Variants in ATF7 observed in about 807,000 individuals in gnomAD.
The protein encoded by ATF7 is cyclic AMP-dependent transcription factor ATF-7.
Under a neutral mutation model 50.4 loss-of-function variants are expected in ATF7, and 10 were observed. The observed-to-expected ratio is 0.20, with a 90% CI of 0.12 to 0.34. ATF7 has a LOEUF of 0.34. ATF7 is among the 10% of genes least tolerant of loss of function. ATF7 has a pLI of 1.00. For missense variants in ATF7, 465 were observed against 613.9 expected, an observed-to-expected ratio of 0.76 and a Z score of 2.56; for synonymous variants, 201 against 226.4, an observed-to-expected ratio of 0.89 and a Z score of 1.01.
chr12:53,554,192 G>A (rs1409280944), intron 2 of ATF7, among the ~76,000 whole-genome samples: 4 of 152,110 alleles, frequency 2.6e-5, no homozygotes, highest in African/African-American at 7.2e-5. Flanking sequence ...GTGCAGTGGC[G>A]CAATCTCCGC....
rs567084098 is a variant in ATF7, at chr12:53,513,624, A to G, written c.*3513T>C. On this transcript the variant is annotated 3_prime_UTR_variant, in exon 12 of 12. Coordinates refer to ENST00000420353, the MANE Select transcript of ATF7 (RefSeq NM_006856.3). Reference sequence around the variant, plus strand: ...AATAATGTATTTCCTTCCTGTGTATATAATGTACAATATTAATGAAAAATT... The same window carrying G: ...AATAATGTATTTCCTTCCTGTGTATGTAATGTACAATATTAATGAAAAATT... 1.2e-4 allele frequency: 18 copies of G among 152,338 alleles called. No homozygotes were observed. The South Asian group carries it at 3.7e-3, about 32-fold the overall frequency. 9.4% of individuals were successfully genotyped at this position (152,338 alleles called of 1,614,324 possible). A position where few individuals can be genotyped will look rare whatever the true frequency, so the allele number is the denominator to read the frequency against.
intron 2 of ATF7, among the ~76,000 whole-genome samples, chr12:53,555,812 T>G (rs1013459231): frequency 1.3e-5 from 2 of 148,488 alleles, no homozygotes; most frequent in African/African-American, 2.5e-5. Context: ...GCCCCGTCTT[T>G]TTTTGTTTTG....
intron 3 of ATF7, among the ~76,000 whole-genome samples, chr12:53,552,224 G>C (rs1173294821): frequency 6.6e-6 from 1 of 152,038 alleles, no homozygotes; most frequent in Non-Finnish European, 1.5e-5. Flanking sequence ...AAATGTCAAA[G>C]GGATCTTTTG....
intron 2 of ATF7, among the ~76,000 whole-genome samples, chr12:53,584,273 G>A (rs560099609): frequency 6.6e-6 from 1 of 152,154 alleles, no homozygotes; most frequent in East Asian, 1.9e-4. Flanking sequence ...TGAGCCACCC[G>A]GCAGGCATTA....
At chr12:53,606,554 G>A (rs184642178) in intron 1 of ATF7, among the ~76,000 whole-genome samples, 241 of 150,866 alleles carry the variant, frequency 1.6e-3, no homozygotes, top group South Asian at 0.015. Flanking sequence ...GGCCTGGCAC[G>A]TTTTTTTTTA....
rs551514011 is a variant in ATF7 at position 53,591,158 on chromosome 12, A to G, written c.48+9795T>C. ...ATACGGGAACTCTACTCTGCACTCAATTTTTCTATACGCTTACTGCTGCTC... is the reference window on the plus strand; with the variant it reads ...ATACGGGAACTCTACTCTGCACTCAGTTTTTCTATACGCTTACTGCTGCTC... On this transcript the variant is annotated intron_variant, in intron 2 of 11. Transcript: ENST00000420353. Among the ~76,000 whole-genome samples the G allele has an allele frequency of 1.5e-4, 23 of 152,262 alleles. 1 individual carries two copies. The highest frequency in any genetic ancestry group is 5.5e-4 in the African/African-American group (23 of 41,542).
intron 9 of ATF7, among the ~76,000 whole-genome samples, chr12:53,528,795 A>C (rs1938662671): frequency 6.6e-6 from 1 of 152,104 alleles, no homozygotes; most frequent in African/African-American, 2.4e-5. Context: ...AAACAAAAGA[A>C]AAGAAAAAAT....
At chr12:53,559,237 C>CT (rs11388539) in intron 2 of ATF7, among the ~76,000 whole-genome samples, 65,545 of 150,166 alleles carry the variant, frequency 0.44, 14,510 homozygotes, top group East Asian at 0.74. Context: ...TTTCTTTTTT[C>CT]TTTTTTTTAG....
intron 2 of ATF7, among the ~76,000 whole-genome samples, chr12:53,576,463 T>C (rs1359214390): frequency 6.6e-6 from 1 of 152,170 alleles, no homozygotes; most frequent in Non-Finnish European, 1.5e-5. Flanking sequence ...GGATGGAGCC[T>C]TCATGAATGG....
At chr12:53,539,488 G>A (rs1365963999) in intron 4 of ATF7, among the ~76,000 whole-genome samples, 3 of 152,016 alleles carry the variant, frequency 2.0e-5, no homozygotes, top group African/African-American at 7.2e-5. Flanking sequence ...GAGCCCAGGA[G>A]TTTGAGACCA....
intron 1 of ATF7, among the ~76,000 whole-genome samples, chr12:53,623,641 A>C (rs1944490251): frequency 6.6e-6 from 1 of 152,186 alleles, no homozygotes; most frequent in South Asian, 2.1e-4. Flanking sequence ...ACTTCCTTGC[A>C]AGGAGAAGGC....
intron 2 of ATF7, among the ~76,000 whole-genome samples, chr12:53,566,986 T>A (rs913360371): frequency 4.6e-5 from 7 of 152,164 alleles, no homozygotes; most frequent in African/African-American, 1.7e-4. Context: ...ACTCCTGACC[T>A]TGTGATCCGC....
At chr12:53,532,202 C>T (rs983662970) in intron 8 of ATF7, among the ~76,000 whole-genome samples, 2 of 152,170 alleles carry the variant, frequency 1.3e-5, no homozygotes, top group African/African-American at 4.8e-5. Flanking sequence ...CAGCTATTCA[C>T]CTCTTGGCCA....
chr12:53,605,143 C>A (rs1943550890), intron 1 of ATF7, among the ~76,000 whole-genome samples: 1 of 152,040 alleles, frequency 6.6e-6, no homozygotes, highest in Admixed American at 6.6e-5. Flanking sequence ...AATCCCAGCA[C>A]TTTGGGAGGC....
intron 2 of ATF7, among the ~76,000 whole-genome samples, chr12:53,561,109 T>C (rs1941073337): frequency 6.6e-6 from 1 of 151,784 alleles, no homozygotes; most frequent in South Asian, 2.1e-4. Context: ...CCATGGGCTA[T>C]TGTTTTGTTT....
intron 11 of ATF7, among the ~76,000 whole-genome samples, chr12:53,518,842 G>A (rs965558343): frequency 6.6e-5 from 10 of 151,360 alleles, no homozygotes; most frequent in Non-Finnish European, 1.5e-4. Context: ...TCAGGAGATC[G>A]AGACTACCCT....
intron 1 of ATF7, among the ~76,000 whole-genome samples, chr12:53,604,923 T>C (rs967136502): frequency 2.0e-5 from 3 of 152,210 alleles, no homozygotes; most frequent in African/African-American, 7.2e-5. Flanking sequence ...TTTACTCATC[T>C]GTCATGAAAG....
chr12:53,612,380 G>A (rs1227907113), intron 1 of ATF7, among the ~76,000 whole-genome samples: 2 of 152,064 alleles, frequency 1.3e-5, no homozygotes, highest in African/African-American at 2.4e-5. Flanking sequence ...TCCACCTCCC[G>A]GGTTCAAGCG....
At chr12:53,510,041 TC>T (rs1161724557), downstream of ATF7, among the ~76,000 whole-genome samples, 1 of 151,406 alleles carries the variant, frequency 6.6e-6, no homozygotes, top group Non-Finnish European at 1.5e-5. Context: ...TGTAGTTTTA[TC>T]TTTTTTTTTT....
Sources: gnomAD v4.1 joint callset for allele counts (sites outside exome capture counted in the v4.1 genomes callset) on GRCh38, gnomAD v4.1.1 for gene constraint, MANE v1.5 for transcripts, NCBI Gene and HGNC (gene_info 2026-07-23, HGNC 2026-07-21) for gene names.